CKAP2: variants seen among roughly 807,000 people sequenced by gnomAD.
CKAP2 encodes the protein cytoskeleton associated protein 2.
Under a neutral mutation model 58.4 loss-of-function variants are expected in CKAP2, and 46 were observed. The observed-to-expected ratio is 0.79, with a 90% confidence interval of 0.62 to 1.01. The LOEUF is 1.01. Among genes scored for constraint, CKAP2 ranks in the 50% least tolerant of loss-of-function variants. CKAP2 has a pLI of 0.00. For synonymous variants in CKAP2, 293 were observed against 280.9 expected (o/e 1.04, Z -0.43); for missense variants, 809 against 796.4 (o/e 1.02, Z -0.19).
intron 6 of CKAP2, among the ~76,000 whole-genome samples, chr13:52,466,753 G>A (rs1358014582): frequency 2.6e-5 from 4 of 152,142 alleles, no homozygotes; most frequent in Admixed American, 2.0e-4. Context: ...TGGGAGGATT[G>A]CCTGAGCCCA....
At chr13:52,465,870 A>G (rs1345154712) in intron 6 of CKAP2, 1 of 358,926 alleles carries the variant, frequency 2.8e-6, no homozygotes, top group African/African-American at 2.1e-5. Context: ...TTGTGTGAGA[A>G]CTCTTTAAGA....
In CKAP2 at chr13:52,456,583, A is replaced by G. The variant is rs776672486; in HGVS notation, c.131A>G (p.Lys44Arg). 3.2e-5 allele frequency: 52 copies of G among 1,613,470 alleles called. No individual in the cohort carries two copies. In the South Asian group the frequency reaches 4.7e-4, roughly 15 times the overall value. The change falls in exon 2 of 9, where the codon AAG becomes AGG. Residue 44 changes from lysine to arginine, a missense_variant. Around this residue, in one of 3 missense-constraint regions of CKAP2, gnomAD observed 523 missense variants for 492.4 expected, o/e 1.06. Coordinates refer to ENST00000258607, the MANE Select transcript of CKAP2 (RefSeq NM_018204.5). ...AGAAGAAAAACGCTTTTTGCATACA[A>G]GCAGGAAAATGAGATGTTATCCAGG... ...LLRRKTLFAY[K>R]QENEMLSSRD...
intron 1 of CKAP2, chr13:52,455,857 C>T (rs551173065): frequency 1.6e-5 from 14 of 879,538 alleles, no homozygotes; most frequent in South Asian, 7.0e-5. Context: ...CTGGGATGGG[C>T]CCTCCTAAGA....
In CKAP2 at chr13:52,469,597, A is replaced by ATT. The variant is rs1287024424; in HGVS notation, c.1546+1259_1546+1260dup. On this transcript the variant is annotated intron_variant, in intron 7 of 8. Coordinates refer to ENST00000258607, the MANE Select transcript of CKAP2 (RefSeq NM_018204.5). ...ATAATATTTATTTATTTATTTATTT[A>ATT]TTTTTTTTTTGAGACGGAGTCTCGC... is the stretch of plus-strand genomic sequence containing the variant. Among the ~76,000 whole-genome samples the ATT allele has an allele frequency of 1.8e-4, 24 of 136,894 alleles. No homozygotes were observed. The South Asian group carries it at 3.5e-3, about 20-fold the overall frequency. 89.8% of individuals were successfully genotyped at this position (136,894 alleles called of 152,430 possible).
At chr13:52,463,076 T>C (rs967214400) in intron 5 of CKAP2, among the ~76,000 whole-genome samples, 2 of 152,254 alleles carry the variant, frequency 1.3e-5, no homozygotes, top group East Asian at 1.9e-4. Context: ...TAGCTGGGAT[T>C]ACAAGTGTGC....
intron 2 of CKAP2, among the ~76,000 whole-genome samples, chr13:52,459,357 C>T (rs906228479): frequency 3.3e-5 from 5 of 152,050 alleles, no homozygotes; most frequent in African/African-American, 1.2e-4. Context: ...GAGCCTTGCT[C>T]TGTCGCCTAG....
chr13:52,472,688 TG>T (rs1165077456), intron 7 of CKAP2, among the ~76,000 whole-genome samples: 1 of 152,180 alleles, frequency 6.6e-6, no homozygotes, highest in African/African-American at 2.4e-5. Flanking sequence ...TAAGAAATGT[TG>T]GATAAGACGC....
chr13:52,469,775 T>A (rs1294975500), intron 7 of CKAP2, among the ~76,000 whole-genome samples: 2 of 151,024 alleles, frequency 1.3e-5, no homozygotes, highest in East Asian at 2.0e-4. Context: ...TTTTTGTATT[T>A]TTAGTAGAGA....
intron 7 of CKAP2, among the ~76,000 whole-genome samples, chr13:52,472,670 A>C (rs752307135): frequency 2.0e-5 from 3 of 152,152 alleles, no homozygotes; most frequent in Non-Finnish European, 4.4e-5. Flanking sequence ...TCTGGCATTT[A>C]TGACTCTTAA....
At chr13:52,465,999 A>G (rs1028930802) in intron 6 of CKAP2, among the ~76,000 whole-genome samples, 3 of 151,154 alleles carry the variant, frequency 2.0e-5, no homozygotes, top group Admixed American at 2.0e-4. Context: ...ATGCACACAT[A>G]TATATACACA....
rs1452456648 is a variant in CKAP2, at chr13:52,475,249, A to G, written c.*108A>G. 7.5e-7 allele frequency: 1 copy of G among 1,332,736 alleles called. No homozygotes were observed. The highest frequency in any genetic ancestry group is 1.5e-5 in the African/African-American group (1 of 68,264). The allele number at this position is 1,332,736 out of a possible 1,614,324, so 82.6% of individuals were successfully genotyped here. Reference sequence around the variant, plus strand: ...TCTGGAGTTGGCCATGTACCTATGTATCCTAAGCATTCACGGCAGTGAGCT... The same window carrying G: ...TCTGGAGTTGGCCATGTACCTATGTGTCCTAAGCATTCACGGCAGTGAGCT... On this transcript the variant is annotated 3_prime_UTR_variant, in exon 9 of 9. Coordinates refer to ENST00000258607, the MANE Select transcript of CKAP2 (RefSeq NM_018204.5).
chr13:52,470,199 G>A (rs1192094287), intron 7 of CKAP2, among the ~76,000 whole-genome samples: 2 of 151,184 alleles, frequency 1.3e-5, no homozygotes, highest in South Asian at 4.2e-4. Context: ...TCCGCCTCCT[G>A]GGTTCAAGCG....
At chr13:52,469,621 G>T (rs1472107018) in intron 7 of CKAP2, among the ~76,000 whole-genome samples, 1 of 141,666 alleles carries the variant, frequency 7.1e-6, no homozygotes, top group Non-Finnish European at 1.5e-5. Flanking sequence ...ACGGAGTCTC[G>T]CTCTGTCGCC....
intron 1 of CKAP2, 149 bp downstream of exon 1, chr13:52,455,775 C>CA: frequency 3.0e-6 from 3 of 992,060 alleles, no homozygotes; most frequent in Non-Finnish European, 4.1e-6. Context: ...CGCCCTGCCT[C>CA]ATTCTTGGCC....
At chr13:52,470,392 A>T (rs1418313123) in intron 7 of CKAP2, among the ~76,000 whole-genome samples, 1 of 152,172 alleles carries the variant, frequency 6.6e-6, no homozygotes, top group African/African-American at 2.4e-5. Context: ...GGTGTGAGCC[A>T]CCGCACCCGG....
chr13:52,471,219 G>A (rs1221428713), intron 7 of CKAP2, among the ~76,000 whole-genome samples: 2 of 152,210 alleles, frequency 1.3e-5, no homozygotes, highest in East Asian at 1.9e-4. Context: ...AGACAGCGAC[G>A]TGGAAATTCA....
chr13:52,461,566 A>C lies in CKAP2; in HGVS notation c.740A>C (p.Gln247Pro). Residue 247 changes from glutamine (Q) to proline (P), a missense_variant, in exon 4 of 9, where the codon CAG becomes CCG. Around this residue, in one of 3 missense-constraint regions of CKAP2, gnomAD observed 523 missense variants for 492.4 expected, o/e 1.06. Coordinates refer to ENST00000258607, the MANE Select transcript of CKAP2 (RefSeq NM_018204.5). ...ACTAAATTTGTGAGCACTACATCTC[A>C]GAACACACAACTTGTGCGACCTCCT... is the stretch of plus-strand genomic sequence containing the variant. ...ATTKFVSTTS[Q>P]NTQLVRPPIR... 6.2e-7 allele frequency: 1 copy of C among 1,614,148 alleles called. No homozygotes were observed. The highest frequency in any genetic ancestry group is 1.1e-5 in the South Asian group (1 of 91,078).
In CKAP2 at chr13:52,475,756, A is replaced by T. The variant is rs1373746702; in HGVS notation, c.*615A>T. 6.6e-6 allele frequency: 1 copy of T among 152,168 alleles called. No individual in the cohort carries two copies. The highest frequency in any genetic ancestry group is 1.5e-5 in the Non-Finnish European group (1 of 68,022). The allele number at this position is 152,168 out of a possible 1,614,324, so 9.4% of individuals were successfully genotyped here. On this transcript the variant is annotated 3_prime_UTR_variant, in exon 9 of 9. Transcript: ENST00000258607. ...GTCTGCACTGACACTTTTCGTCAGT[A>T]GTCTGTAGTTTCGTGGCCTCTTTTG... is the stretch of plus-strand genomic sequence containing the variant.
At chr13:52,471,414 T>C (rs1356988113) in intron 7 of CKAP2, among the ~76,000 whole-genome samples, 1 of 152,050 alleles carries the variant, frequency 6.6e-6, no homozygotes, top group Non-Finnish European at 1.5e-5. Flanking sequence ...CTGAAATGTA[T>C]AATTGTAAGT....
Sources: gnomAD v4.1 joint callset for allele counts (sites outside exome capture counted in the v4.1 genomes callset) on GRCh38, gnomAD v4.1.1 for gene constraint, gnomAD v4.1.1 regional missense constraint, MANE v1.5 for transcripts, NCBI Gene and HGNC (gene_info 2026-07-23, HGNC 2026-07-21) for gene names.